Variants in FMR1 observed in about 807,000 individuals in gnomAD.
The protein encoded by FMR1 is fragile X messenger ribonucleoprotein 1.
Under a neutral mutation model 50.6 loss-of-function variants are expected in FMR1, and 13 were observed. The ratio of observed to expected loss-of-function variants is 0.26; its 90% confidence interval spans 0.17 to 0.41. The LOEUF (loss-of-function observed/expected upper bound fraction) is 0.41. FMR1 is among the 10% of genes least tolerant of loss of function. FMR1 has a pLI of 1.00. For synonymous variants in FMR1, 138 were observed against 164.1 expected (o/e 0.84, Z 1.22); for missense variants, 316 against 491.3 (o/e 0.64, Z 3.37).
chrX:147,928,817 T>TA lies in FMR1; in HGVS notation c.419+11dup. On this transcript the variant is annotated intron_variant, in intron 5 of 16. Transcript: ENST00000370475. Reference sequence around the variant, plus strand: ...AAGACTTACGGCAAATGTAAGTTGATACACAAGAAATGCTGAGAACTTGGA... The same window carrying TA: ...AAGACTTACGGCAAATGTAAGTTGATAACACAAGAAATGCTGAGAACTTGGA... 5 of 1,205,216 alleles carry TA rather than the reference T, an allele frequency of 4.1e-6. No individual in the cohort carries two copies. The highest frequency in any genetic ancestry group is 1.7e-5 in the African/African-American group (1 of 57,685).
At chrX:147,936,184 C>T (rs2043782384) in intron 9 of FMR1, among the ~76,000 whole-genome samples, 1 of 111,812 alleles carries the variant, frequency 8.9e-6, no homozygotes, top group African/African-American at 3.3e-5. Context: ...AAGTTTAAAG[C>T]GTACCCTTTT....
chrX:147,949,099 T>C lies in FMR1; in HGVS notation c.*255T>C. Reference sequence around the variant, plus strand: ...AGCACTTCAGGGCAGATTTTAGTTTTATTTTCTAAAGTACTGAGCAGTGAT... The same window carrying C: ...AGCACTTCAGGGCAGATTTTAGTTTCATTTTCTAAAGTACTGAGCAGTGAT... On this transcript the variant is annotated 3_prime_UTR_variant, in exon 17 of 17. Coordinates refer to ENST00000370475, the MANE Select transcript of FMR1 (RefSeq NM_002024.6). The C allele has an allele frequency of 2.2e-6, 1 of 459,753 alleles. No individual in the cohort carries two copies. Among genetic ancestry groups the C allele is most frequent in the Non-Finnish European group, 3.9e-6 (1 of 253,437 alleles). 37.9% of individuals were successfully genotyped at this position (459,753 alleles called of 1,213,427 possible). A position where few individuals can be genotyped will look rare whatever the true frequency, so the allele number is the denominator to read the frequency against.
At chrX:147,920,271 C>T (rs1163067288) in intron 1 of FMR1, among the ~76,000 whole-genome samples, 1 of 111,616 alleles carries the variant, frequency 9.0e-6, no homozygotes, top group African/African-American at 3.3e-5. Context: ...TTTGAAAACA[C>T]TATACTTTCC....
At chrX:147,930,346 T>G in intron 7 of FMR1, 102 bp downstream of exon 7, 1 of 577,128 alleles carries the variant, frequency 1.7e-6, no homozygotes, top group Non-Finnish European at 3.1e-6. Context: ...ATTTACTGCT[T>G]CTTAACAATT....
At chrX:147,944,336 A>G (rs782234325) in intron 14 of FMR1, 168 of 751,726 alleles carry the variant, frequency 2.2e-4, no homozygotes, top group Middle Eastern at 7.6e-4. Flanking sequence ...GCAAGCATGT[A>G]TCTGCCTTCA....
At chrX:147,939,780 C>T (rs1338458675) in intron 12 of FMR1, among the ~76,000 whole-genome samples, 1 of 105,787 alleles carries the variant, frequency 9.5e-6, no homozygotes, top group Non-Finnish European at 1.9e-5. Flanking sequence ...CACGTGTTGT[C>T]CCAGCTATCC....
At position 147,920,179 on chromosome X, in the gene FMR1, AT is replaced by A. The variant is rs1313777286; in HGVS notation, c.52-1745del. Among the ~76,000 whole-genome samples, 11 of 111,120 alleles carry A rather than the reference AT, an allele frequency of 9.9e-5. No homozygotes were observed. In the East Asian group the frequency reaches 2.8e-3, roughly 29 times the overall value. The stretch of plus-strand genomic sequence containing the variant: ...TTAGGTCTTTGATGCATATTCATTG[AT>A]TTTTTTTTGTATGCAGTATGAGGTA... On this transcript the variant is annotated intron_variant, in intron 1 of 16. Coordinates refer to ENST00000370475, the MANE Select transcript of FMR1 (RefSeq NM_002024.6).
At chrX:147,939,363 T>A (rs1557180237) in intron 12 of FMR1, among the ~76,000 whole-genome samples, 1 of 111,338 alleles carries the variant, frequency 9.0e-6, no homozygotes, top group Non-Finnish European at 1.9e-5. Context: ...TAGAGAGAAG[T>A]TCAAACTTTC....
chrX:147,919,098 A>C (rs782451887), intron 1 of FMR1, among the ~76,000 whole-genome samples: 1 of 111,902 alleles, frequency 8.9e-6, no homozygotes, highest in African/African-American at 3.3e-5. Flanking sequence ...AAGATGTATA[A>C]ACATTATGAA....
chrX:147,946,680 A>C (rs968772768), intron 16 of FMR1, among the ~76,000 whole-genome samples: 1 of 112,393 alleles, frequency 8.9e-6, no homozygotes, highest in Admixed American at 9.4e-5. Context: ...GTCAAACCTT[A>C]GTGTCTGATT....
At chrX:147,943,897 A>G (rs1277944070) in intron 14 of FMR1, 3 of 114,322 alleles carry the variant, frequency 2.6e-5, no homozygotes, top group Non-Finnish European at 5.5e-5. Flanking sequence ...CTTGCTCAAC[A>G]GTGTATCTCC....
chrX:147,921,906 GTTAAT>G (rs1434479437), intron 1 of FMR1, 22 bp from the exon 2 acceptor site: 4 of 1,045,604 alleles, frequency 3.8e-6, no homozygotes, highest in Non-Finnish European at 5.4e-6. Context: ...AAGCTCACAA[GTTAAT>G]TTAACGTTTT....
rs1557180004 is a variant in FMR1, at chrX:147,938,051, C to T, written c.1126-48C>T. ...GTCCTGCGTTCAGGCTTCTGTGTATCGTTTGTTATAGTTAATGACATCCCT... is the reference window on the plus strand; with the variant it reads ...GTCCTGCGTTCAGGCTTCTGTGTATTGTTTGTTATAGTTAATGACATCCCT... On this transcript the variant is annotated intron_variant, in intron 11 of 16. Coordinates refer to ENST00000370475, the MANE Select transcript of FMR1 (RefSeq NM_002024.6). The T allele has an allele frequency of 1.0e-5, 10 of 1,004,946 alleles. No individual in the cohort carries two copies. In the South Asian group the frequency reaches 1.5e-4, roughly 15 times the overall value. 82.8% of individuals were successfully genotyped at this position (1,004,946 alleles called of 1,213,427 possible).
Position 147,943,307 on chromosome X carries a change from C to T in FMR1, c.1452C>T (p.Arg484=). The stretch of plus-strand genomic sequence containing the variant: ...ACAGAAATAGGGGGCACGGCAGACG[C>T]GGTCCTGGATATACTTCAGGTACAA... ...RPYRNRGHGR[R]GPGYTSGTNS... is the part of the protein sequence containing the mutation. Residue 484 remains arginine, a synonymous_variant, in exon 14 of 17, where the codon CGC becomes CGT. Coordinates refer to ENST00000370475, the MANE Select transcript of FMR1 (RefSeq NM_002024.6). 8.3e-7 allele frequency: 1 copy of T among 1,208,627 alleles called. No individual in the cohort carries two copies. The highest frequency in any genetic ancestry group is 1.1e-6 in the Non-Finnish European group (1 of 892,962).
chrX:147,937,628 C>A, intron 11 of FMR1, 28 bp downstream of exon 11: 1 of 704,086 alleles, frequency 1.4e-6, no homozygotes, highest in Non-Finnish European at 2.3e-6. Flanking sequence ...CTTTGAATTA[C>A]AATACAAGTA....
Position 147,949,145 on chromosome X carries a change from AT to A in FMR1, c.*305del. 2.5e-6 allele frequency: 1 copy of A among 395,219 alleles called. No individual in the cohort carries two copies. Among genetic ancestry groups the A allele is most frequent in the Non-Finnish European group, 4.7e-6 (1 of 213,271 alleles). The allele number at this position is 395,219 out of a possible 1,213,427, so 32.6% of individuals were successfully genotyped here. A position where few individuals can be genotyped will look rare whatever the true frequency, so the allele number is the denominator to read the frequency against. ...GTGATATTCTTTGTTAATTTGGACC[AT>A]TTTCCTGCATTGGGTGATCATTCAC... On this transcript the variant is annotated 3_prime_UTR_variant, in exon 17 of 17. Coordinates refer to ENST00000370475, the MANE Select transcript of FMR1 (RefSeq NM_002024.6).
chrX:147,942,291 G>A (rs1273749929), intron 13 of FMR1, among the ~76,000 whole-genome samples: 2 of 111,929 alleles, frequency 1.8e-5, no homozygotes, highest in Non-Finnish European at 3.8e-5. Context: ...CTGATTCCCC[G>A]TAGCCAGTAA....
chrX:147,951,040 ATCT>A lies in FMR1; in HGVS notation c.*2198_*2200del, dbSNP rs1358519320. On this transcript the variant is annotated 3_prime_UTR_variant, in exon 17 of 17. Coordinates refer to ENST00000370475, the MANE Select transcript of FMR1 (RefSeq NM_002024.6). The stretch of plus-strand genomic sequence containing the variant: ...AGTTCAAAGTCATGATGTTTTTAAA[ATCT>A]TATTAAAGTTTCAAAAATCTGAAGA... 8.3e-6 allele frequency: 2 copies of A among 241,383 alleles called. No individual in the cohort carries two copies. Among genetic ancestry groups the A allele is most frequent in the African/African-American group, 5.9e-5 (2 of 33,889 alleles). 19.9% of individuals were successfully genotyped at this position (241,383 alleles called of 1,213,427 possible).
At chrX:147,926,124 G>A (rs1021325007) in intron 3 of FMR1, among the ~76,000 whole-genome samples, 1 of 111,967 alleles carries the variant, frequency 8.9e-6, no homozygotes, top group Non-Finnish European at 1.9e-5. Flanking sequence ...TTTTTCACAG[G>A]TTATACCGTG....
Sources: allele counts gnomAD v4.1 joint callset (sites outside exome capture counted in the v4.1 genomes callset), GRCh38; gene constraint gnomAD v4.1.1; transcripts MANE v1.5; gene names NCBI Gene and HGNC (gene_info 2026-07-23, HGNC 2026-07-21).